Variants in RGMB observed in about 807,000 individuals in gnomAD.
RGMB encodes repulsive guidance molecule B.
Under a neutral mutation model 26.9 loss-of-function variants are expected in RGMB, and 16 were observed. The ratio of observed to expected loss-of-function variants is 0.60; its 90% CI spans 0.40 to 0.90. RGMB has a LOEUF of 0.90. RGMB is among the 40% of genes least tolerant of loss of function. RGMB has a pLI of 0.00. For missense variants in RGMB, 512 were observed against 573.3 expected, an observed-to-expected ratio of 0.89 and a Z score of 1.09; for synonymous variants, 225 against 229.3, an observed-to-expected ratio of 0.98 and a Z score of 0.17.
At chr5:98,776,682 C>G (rs906774578) in intron 1 of RGMB, among the ~76,000 whole-genome samples, 2 of 152,246 alleles carry the variant, frequency 1.3e-5, no homozygotes, top group Non-Finnish European at 2.9e-5. Flanking sequence ...TCGCTCCCAT[C>G]ATCTCTGTAG....
At chr5:98,784,371 G>A (rs2112360426) in intron 2 of RGMB, among the ~76,000 whole-genome samples, 1 of 152,332 alleles carries the variant, frequency 6.6e-6, no homozygotes, top group Middle Eastern at 3.4e-3. Flanking sequence ...GCTGGTTGAA[G>A]ATACTAGAGA....
intron 2 of RGMB, among the ~76,000 whole-genome samples, chr5:98,785,729 TA>T (rs1746750782): frequency 6.6e-6 from 1 of 152,228 alleles, no homozygotes; most frequent in Non-Finnish European, 1.5e-5. Flanking sequence ...AAAATTCTCA[TA>T]AAAGCATATG....
intron 2 of RGMB, among the ~76,000 whole-genome samples, chr5:98,790,230 A>AG (rs1746885913): frequency 2.0e-5 from 3 of 152,324 alleles, no homozygotes; most frequent in African/African-American, 7.2e-5. Flanking sequence ...TTAAACTACA[A>AG]GGGACTACTC....
chr5:98,787,286 C>T lies in RGMB; in HGVS notation c.646-5799C>T, dbSNP rs983939526. Among the ~76,000 whole-genome samples, 7 of 152,124 alleles carry T rather than the reference C, an allele frequency of 4.6e-5. No homozygotes were observed. The South Asian group carries it at 1.4e-3, about 32-fold the overall frequency. The stretch of plus-strand genomic sequence containing the variant: ...TTCAAGCCCTTTTACTTTTTTTGCT[C>T]ACCTCCCAAAGCTGAAAAATGATCA... On this transcript the variant is annotated intron_variant, in intron 2 of 2. Coordinates refer to ENST00000513185, the MANE Select transcript of RGMB (RefSeq NM_001366508.1).
chr5:98,793,486 C>T lies in RGMB; in HGVS notation c.1047C>T (p.Tyr349=), dbSNP rs377028475. ...CCTTGGTGCAGGCCTGGCCTGGCTA[C>T]ACACTGGAGACTGCCAACACTCAAT... ...RTSLVQAWPG[Y]TLETANTQCH... Residue 349 remains tyrosine, a synonymous_variant, in exon 3 of 3, where the codon TAC becomes TAT. Transcript: ENST00000513185. The T allele has an allele frequency of 2.5e-5, 40 of 1,613,426 alleles. No individual in the cohort carries two copies. The highest frequency in any genetic ancestry group is 3.3e-5 in the Non-Finnish European group (39 of 1,179,728).
upstream of RGMB, among the ~76,000 whole-genome samples, chr5:98,772,394 T>G (rs1746195298): frequency 6.6e-6 from 1 of 152,236 alleles, no homozygotes; most frequent in South Asian, 2.1e-4. Context: ...GTCCATTGAT[T>G]AGCTCATTTA....
At chr5:98,786,249 C>G (rs951667679) in intron 2 of RGMB, among the ~76,000 whole-genome samples, 1 of 152,190 alleles carries the variant, frequency 6.6e-6, no homozygotes, top group African/African-American at 2.4e-5. Flanking sequence ...GAATGCCCCC[C>G]ATTTGTAAGT....
intron 1 of RGMB, among the ~76,000 whole-genome samples, chr5:98,777,081 C>T (rs149999032): frequency 1.2e-4 from 18 of 148,268 alleles, no homozygotes; most frequent in African/African-American, 4.5e-4. Context: ...AGCAAGACTC[C>T]GTCTCAAAAA....
intron 2 of RGMB, among the ~76,000 whole-genome samples, chr5:98,792,654 C>G (rs868619255): frequency 7.0e-6 from 1 of 142,922 alleles, no homozygotes; most frequent in African/African-American, 2.6e-5. Context: ...GCCCTTAGTC[C>G]TGTGTACTCA....
chr5:98,776,743 GTTTGA>G (rs57970013), intron 1 of RGMB, among the ~76,000 whole-genome samples: 63,733 of 151,644 alleles, frequency 0.42, 15,547 homozygotes, highest in East Asian at 0.67. Flanking sequence ...CGGGAGATCT[GTTTGA>G]TTTGAGATTT....
chr5:98,781,669 CTA>C (rs1448516624), intron 2 of RGMB, among the ~76,000 whole-genome samples: 1 of 152,140 alleles, frequency 6.6e-6, no homozygotes, highest in African/African-American at 2.4e-5. Context: ...TCGAACAAAA[CTA>C]TAGAGATTAA....
Position 98,779,780 on chromosome 5 carries a change from A to G in RGMB, c.337A>G (p.Ser113Gly). The G allele has an allele frequency of 6.2e-7, 1 of 1,614,050 alleles. No individual in the cohort carries two copies. The part of the protein sequence containing the change: ...LVYHSAVLGI[S>G]DLMSQRNCSK... Reference sequence around the variant, plus strand: ...ATACCATTCTGCCGTGTTGGGTATCAGTGACCTCATGAGCCAGAGGAATTG... The same window carrying G: ...ATACCATTCTGCCGTGTTGGGTATCGGTGACCTCATGAGCCAGAGGAATTG... The change falls in exon 2 of 3, where the codon AGT becomes GGT. Residue 113 changes from serine to glycine, a missense_variant. By Grantham distance (56) the Ser-to-Gly change is moderately conservative. Transcript: ENST00000513185.
chr5:98,770,383 G>A, upstream of RGMB: 1 of 391,234 alleles, frequency 2.6e-6, no homozygotes, highest in Non-Finnish European at 4.5e-6. Flanking sequence ...TGAGATAAAT[G>A]GACAGGAAGC....
rs1262163476 is a variant in RGMB, at chr5:98,773,669, A to T, written c.-402A>T. 5.7e-6 allele frequency: 2 copies of T among 350,470 alleles called. No homozygotes were observed. Among genetic ancestry groups the T allele is most frequent in the Admixed American group, 4.8e-5 (1 of 20,892 alleles). The allele number at this position is 350,470 out of a possible 1,614,324, so 21.7% of individuals were successfully genotyped here. A position where few individuals can be genotyped will look rare whatever the true frequency, so the allele number is the denominator to read the frequency against. ...CGACCGCGGGGGCTGCCGCGCAGAG[A>T]TATCCGGGCCGCCGGTGGGTGGTCG... On this transcript the variant is annotated 5_prime_UTR_variant, in exon 1 of 3. Transcript: ENST00000513185.
chr5:98,779,469 A>G lies in RGMB; in HGVS notation c.137-111A>G, dbSNP rs571370813. The G allele has an allele frequency of 5.5e-4, 576 of 1,041,550 alleles. 1 individual carries two copies. Among genetic ancestry groups the G allele is most frequent in the Non-Finnish European group, 7.3e-4 (545 of 744,166 alleles). The allele number at this position is 1,041,550 out of a possible 1,614,324, so 64.5% of individuals were successfully genotyped here. A position where few individuals can be genotyped will look rare whatever the true frequency, so the allele number is the denominator to read the frequency against. On this transcript the variant is annotated intron_variant, in intron 1 of 2. Coordinates refer to ENST00000513185, the MANE Select transcript of RGMB (RefSeq NM_001366508.1). ...TCTGAAGGCTTCTTAAAATAGGAGT[A>G]CAGTGTATAAAATAGAACAAACAAT...
chr5:98,790,942 A>G (rs1746910164), intron 2 of RGMB, among the ~76,000 whole-genome samples: 1 of 152,178 alleles, frequency 6.6e-6, no homozygotes, highest in African/African-American at 2.4e-5. Flanking sequence ...TTCAGGTGCA[A>G]AATTTTCTTG....
chr5:98,791,490 C>CG lies in RGMB; in HGVS notation c.646-1589dup, dbSNP rs1561446860. On this transcript the variant is annotated intron_variant, in intron 2 of 2. Transcript: ENST00000513185. Reference sequence around the variant, plus strand: ...GTGGTGAGGACTTCGGGTGGGCAGGCGGGGGGAGGGGGGTGCATTTTCTGG... The same window carrying CG: ...GTGGTGAGGACTTCGGGTGGGCAGGCGGGGGGGAGGGGGGTGCATTTTCTGG... Among the ~76,000 whole-genome samples the CG allele has an allele frequency of 5.5e-5, 8 of 144,996 alleles. No homozygotes were observed. In the South Asian group the frequency reaches 1.7e-3, roughly 30 times the overall value.
Position 98,793,369 on chromosome 5 carries a change from G to A in RGMB, c.930G>A (p.Gln310=). ...CCTACGAGGAGAGCCAGGACCTGCA[G>A]CTGTGCGTGAACGGCTGCCCCCTGA... ...AMSYEESQDL[Q]LCVNGCPLSE... is the part of the protein sequence containing the mutation. The change falls in exon 3 of 3, where the codon CAG becomes CAA. Residue 310 remains glutamine (Q), a synonymous_variant. Coordinates refer to ENST00000513185, the MANE Select transcript of RGMB (RefSeq NM_001366508.1). 6.2e-7 allele frequency: 1 copy of A among 1,613,718 alleles called. No homozygotes were observed. The highest frequency in any genetic ancestry group is 8.5e-7 in the Non-Finnish European group (1 of 1,179,792).
In RGMB at chr5:98,773,748, G is replaced by A; in HGVS notation, c.-323G>A. 2.6e-6 allele frequency: 1 copy of A among 381,572 alleles called. No homozygotes were observed. The highest frequency in any genetic ancestry group is 4.6e-6 in the Non-Finnish European group (1 of 215,702). The allele number at this position is 381,572 out of a possible 1,614,324, so 23.6% of individuals were successfully genotyped here. On this transcript the variant is annotated 5_prime_UTR_variant, in exon 1 of 3. Coordinates refer to ENST00000513185, the MANE Select transcript of RGMB (RefSeq NM_001366508.1). ...CACGCCCGCCGAGCCCACGCTGGCT[G>A]GGGCCGGGGTGCCGGCGCGCTCGGG...
Sources: gnomAD v4.1 joint callset for allele counts (sites outside exome capture counted in the v4.1 genomes callset) on GRCh38, gnomAD v4.1.1 for gene constraint, MANE v1.5 for transcripts, NCBI Gene and HGNC (gene_info 2026-07-23, HGNC 2026-07-21) for gene names.